Variants in FOXP1 observed in about 807,000 individuals in gnomAD.
FOXP1 encodes the protein forkhead box protein P1.
In FOXP1, 15 loss-of-function variants were observed where a neutral mutation model predicts 98.2. The observed-to-expected ratio is 0.15, with a 90% CI of 0.10 to 0.24. The LOEUF is 0.24. Among genes scored for constraint, FOXP1 ranks in the 10% least tolerant of loss-of-function variants. The pLI, the probability that FOXP1 is intolerant of heterozygous loss-of-function variation, is 1.00. For synonymous variants in FOXP1, 371 were observed against 314.5 expected (o/e 1.18, Z -1.90); for missense variants, 633 against 848.5 (o/e 0.75, Z 3.15).
intron 5 of FOXP1, among the ~76,000 whole-genome samples, chr3:71,228,342 TC>T (rs376812157): frequency 0.016 from 2,411 of 152,160 alleles, 30 homozygotes; most frequent in Middle Eastern, 0.037. Flanking sequence ...TTTTTTTTTT[TC>T]CTGTGGAGTT....
intron 19 of FOXP1, 164 bp from the exon 20 acceptor site, chr3:70,966,220 C>A: frequency 1.4e-6 from 1 of 694,078 alleles, no homozygotes. Flanking sequence ...AAAAACGACT[C>A]GTGGCACCTG....
At chr3:71,501,115 C>A (rs917934202) in intron 2 of FOXP1, among the ~76,000 whole-genome samples, 18 of 152,048 alleles carry the variant, frequency 1.2e-4, no homozygotes, top group Non-Finnish European at 2.5e-4. Flanking sequence ...TTGCTTGAAT[C>A]CGGGAGGCAG....
chr3:70,988,868 AAAG>A (rs2040172477), intron 13 of FOXP1, among the ~76,000 whole-genome samples: 1 of 152,196 alleles, frequency 6.6e-6, no homozygotes, highest in Non-Finnish European at 1.5e-5. Context: ...TACTTCTGTA[AAAG>A]AAGTGGGAAA....
chr3:71,579,632 CTTTTTT>C (rs35646548), intron 2 of FOXP1, among the ~76,000 whole-genome samples: 4 of 123,000 alleles, frequency 3.3e-5, no homozygotes, highest in Non-Finnish European at 4.9e-5. Context: ...TTTCTTTTTT[CTTTTTT>C]TTTTTTTTTT....
chr3:71,053,247 T>C (rs2050152830), intron 8 of FOXP1, among the ~76,000 whole-genome samples: 1 of 152,214 alleles, frequency 6.6e-6, no homozygotes. Flanking sequence ...AAAAAAAATC[T>C]GTAAGCTTCT....
At chr3:71,197,750 G>T (rs775975890) in intron 6 of FOXP1, 2 of 863,944 alleles carry the variant, frequency 2.3e-6, no homozygotes, top group Non-Finnish European at 3.6e-6. Context: ...GTCTTTCTAT[G>T]TATTTATTTC....
intron 3 of FOXP1, among the ~76,000 whole-genome samples, chr3:71,439,609 C>A (rs1225160631): frequency 6.6e-6 from 1 of 152,094 alleles, no homozygotes; most frequent in African/African-American, 2.4e-5. Flanking sequence ...GATGGATAAA[C>A]AAAATGTACA....
chr3:71,046,145 T>A (rs183311940), intron 10 of FOXP1, among the ~76,000 whole-genome samples: 44 of 152,278 alleles, frequency 2.9e-4, no homozygotes, highest in African/African-American at 9.6e-4. Flanking sequence ...TAGTTCTGAA[T>A]AATCCATCTG....
intron 19 of FOXP1, among the ~76,000 whole-genome samples, chr3:70,967,687 G>GT (rs67711426): frequency 0.047 from 2,876 of 61,240 alleles, 76 homozygotes; most frequent in Middle Eastern, 0.086. Flanking sequence ...ACTATTATTT[G>GT]TTTTTTTTTT....
chr3:71,568,097 A>T (rs1458295775), intron 2 of FOXP1, among the ~76,000 whole-genome samples: 1 of 150,382 alleles, frequency 6.6e-6, no homozygotes, highest in South Asian at 2.1e-4. Context: ...AATTAAAAAA[A>T]GAAAGAAAAG....
chr3:71,175,502 G>A (rs1171120407), intron 6 of FOXP1, among the ~76,000 whole-genome samples: 2 of 152,164 alleles, frequency 1.3e-5, no homozygotes, highest in African/African-American at 4.8e-5. Context: ...TTCAAAAGCA[G>A]ACCCATCAGC....
At chr3:71,466,152 C>A (rs140869817) in intron 3 of FOXP1, among the ~76,000 whole-genome samples, 1 of 152,272 alleles carries the variant, frequency 6.6e-6, no homozygotes, top group Non-Finnish European at 1.5e-5. Context: ...CAGATGCCAG[C>A]CCATCCTAAG....
At chr3:70,990,104 A>G (rs1350418702) in intron 13 of FOXP1, among the ~76,000 whole-genome samples, 4 of 152,230 alleles carry the variant, frequency 2.6e-5, no homozygotes, top group African/African-American at 4.8e-5. Flanking sequence ...GTTATCCAGG[A>G]ACCTCAATTG....
chr3:71,310,072 T>A (rs1248655957), intron 4 of FOXP1, among the ~76,000 whole-genome samples: 1 of 152,244 alleles, frequency 6.6e-6, no homozygotes, highest in Non-Finnish European at 1.5e-5. Context: ...TTTTTCCTTA[T>A]TCAGCTCAGT....
intron 4 of FOXP1, among the ~76,000 whole-genome samples, chr3:71,340,146 T>C (rs938063002): frequency 2.0e-5 from 3 of 152,186 alleles, no homozygotes; most frequent in African/African-American, 7.2e-5. Flanking sequence ...TGCCCCCCTA[T>C]TTTCCCACTG....
At chr3:71,482,804 G>A (rs1191749334) in intron 3 of FOXP1, among the ~76,000 whole-genome samples, 1 of 151,170 alleles carries the variant, frequency 6.6e-6, no homozygotes, top group Non-Finnish European at 1.5e-5. Flanking sequence ...TAATAACACT[G>A]GTTAGGAAGA....
intron 6 of FOXP1, among the ~76,000 whole-genome samples, chr3:71,155,893 G>C (rs1358670015): frequency 6.6e-6 from 1 of 152,188 alleles, no homozygotes; most frequent in African/African-American, 2.4e-5. Flanking sequence ...CCGCAGTGCA[G>C]GTAAACATGA....
At chr3:71,265,634 C>G (rs1002689248) in intron 5 of FOXP1, among the ~76,000 whole-genome samples, 1 of 152,164 alleles carries the variant, frequency 6.6e-6, no homozygotes, top group Non-Finnish European at 1.5e-5. Flanking sequence ...ACATGCAACA[C>G]GGCGGAAAAT....
At chr3:70,989,692 CA>C (rs1368133825) in intron 13 of FOXP1, among the ~76,000 whole-genome samples, 1 of 151,998 alleles carries the variant, frequency 6.6e-6, no homozygotes, top group Non-Finnish European at 1.5e-5. Context: ...ATTAAGAAAT[CA>C]GTTGTATTTT....
Sources: allele counts gnomAD v4.1 joint callset (sites outside exome capture counted in the v4.1 genomes callset), GRCh38; gene constraint gnomAD v4.1.1; transcripts MANE v1.5; gene names NCBI Gene and HGNC (gene_info 2026-07-23, HGNC 2026-07-21).